Variants in EEF2K observed in about 807,000 individuals in gnomAD.
The protein encoded by EEF2K is alternative protein EEF2K.
A neutral mutation model predicts 93.8 loss-of-function variants in EEF2K; 70 were observed. That is an observed-to-expected ratio of 0.75 (90% CI 0.62 to 0.91). EEF2K has a LOEUF of 0.91. Ranked by LOEUF, EEF2K falls within the 40% of genes least tolerant of loss-of-function variation. The probability of loss-of-function intolerance (pLI) is 0.00; values close to 1 mark genes in which losing one functional copy is unlikely to be tolerated. For missense variants in EEF2K, 935 were observed against 972.9 expected (o/e 0.96, Z 0.52); for synonymous variants, 376 against 380.8 (o/e 0.99, Z 0.15).
Position 22,225,831 on chromosome 16 carries a change from G to C in EEF2K, c.102G>C (p.Glu34Asp), listed in dbSNP as rs2047057748. ...DGDSDGDSDD[E>D]EGYFICPITD... ...ATTCTGATGGGGACAGCGACGATGA[G>C]GAAGGTTACTTCATCTGCCCCATCA... Residue 34 changes from glutamate (E) to aspartate (D), a missense_variant, in exon 2 of 18, where the codon GAG becomes GAC. Physicochemically the swap from Glu to Asp is conservative, Grantham distance 45. Coordinates refer to ENST00000263026, the MANE Select transcript of EEF2K (RefSeq NM_013302.5). 8.1e-6 allele frequency: 13 copies of C among 1,614,104 alleles called. No homozygotes were observed. The highest frequency in any genetic ancestry group is 1.3e-5 in the African/African-American group (1 of 74,932).
intron 15 of EEF2K, among the ~76,000 whole-genome samples, chr16:22,271,157 A>T (rs570690380): frequency 1.5e-4 from 22 of 151,426 alleles, no homozygotes; most frequent in African/African-American, 5.1e-4. Flanking sequence ...TTTAGTAGAG[A>T]AGGGATTTCA....
At chr16:22,283,308 CAAAAAAAAAAA>C (rs10540234) in intron 17 of EEF2K, among the ~76,000 whole-genome samples, 1 of 75,868 alleles carries the variant, frequency 1.3e-5, no homozygotes, top group Admixed American at 1.6e-4. Context: ...GACTCCATCT[CAAAAAAAAAAA>C]AAAAAAAAAA....
rs1055491164 is a variant in EEF2K, at chr16:22,248,951, T to G, written c.408+136T>G. The stretch of plus-strand genomic sequence containing the variant: ...CTTCGGGGGATTCTTTGTTATTGTT[T>G]ATTTATTGGTTGTAGCCAGCATTTT... On this transcript the variant is annotated intron_variant, in intron 4 of 17. Transcript: ENST00000263026. 20 of 909,952 alleles carry G rather than the reference T, an allele frequency of 2.2e-5. No individual in the cohort carries two copies. The African/African-American group carries it at 3.2e-4, about 15-fold the overall frequency. 56.4% of individuals were successfully genotyped at this position (909,952 alleles called of 1,614,324 possible). A position where few individuals can be genotyped will look rare whatever the true frequency, so the allele number is the denominator to read the frequency against.
intron 11 of EEF2K, among the ~76,000 whole-genome samples, chr16:22,262,034 C>CAT (rs2047470408): frequency 6.7e-6 from 1 of 150,332 alleles, no homozygotes; most frequent in Admixed American, 6.6e-5. Context: ...CACACACACA[C>CAT]ACAGAAAAGA....
intron 1 of EEF2K, among the ~76,000 whole-genome samples, chr16:22,212,968 C>A (rs1222834167): frequency 6.6e-6 from 1 of 151,144 alleles, no homozygotes; most frequent in Non-Finnish European, 1.5e-5. Context: ...ATCAAGACAC[C>A]CACCCAGTCT....
At chr16:22,218,042 C>G (rs1378921490) in intron 1 of EEF2K, among the ~76,000 whole-genome samples, 1 of 152,210 alleles carries the variant, frequency 6.6e-6, no homozygotes, top group African/African-American at 2.4e-5. Context: ...AAAGGCTGAT[C>G]ACCTCTTCCA....
chr16:22,219,639 CTT>C (rs1439134201), intron 1 of EEF2K, among the ~76,000 whole-genome samples: 2 of 152,020 alleles, frequency 1.3e-5, no homozygotes, highest in Non-Finnish European at 2.9e-5. Flanking sequence ...AAAAATAAAA[CTT>C]TACAAAAAAG....
At chr16:22,225,630 C>T (rs2047054836) in intron 1 of EEF2K, 24 bp from the exon 2 acceptor site, 1 of 1,534,986 alleles carries the variant, frequency 6.5e-7, no homozygotes, top group Non-Finnish European at 8.7e-7. Context: ...AGCACCCACT[C>T]TCTGGCCCTT....
intron 6 of EEF2K, among the ~76,000 whole-genome samples, chr16:22,252,998 C>T (rs964581272): frequency 6.6e-6 from 1 of 152,170 alleles, no homozygotes; most frequent in Non-Finnish European, 1.5e-5. Flanking sequence ...TCAAGATGAG[C>T]TTTGAGTGGG....
chr16:22,244,983 C>T (rs2047272508), intron 3 of EEF2K, among the ~76,000 whole-genome samples: 1 of 152,048 alleles, frequency 6.6e-6, no homozygotes, highest in Non-Finnish European at 1.5e-5. Flanking sequence ...GATCTCTGGC[C>T]GGGTGAGGTG....
intron 16 of EEF2K, among the ~76,000 whole-genome samples, chr16:22,279,236 C>CTT (rs143168233): frequency 4.3e-4 from 58 of 135,254 alleles, no homozygotes; most frequent in African/African-American, 1.4e-3. Flanking sequence ...CTTGACTCCT[C>CTT]TTTTTTTTTT....
At chr16:22,234,188 GC>G (rs1293732127) in intron 2 of EEF2K, among the ~76,000 whole-genome samples, 2 of 152,292 alleles carry the variant, frequency 1.3e-5, no homozygotes, top group East Asian at 3.9e-4. Context: ...CATCGTGTGT[GC>G]CCCCCATGAT....
In EEF2K at chr16:22,244,696, G is replaced by T. The variant is rs780708612; in HGVS notation, c.313G>T (p.Glu105Ter). 2.5e-5 allele frequency: 40 copies of T among 1,613,952 alleles called. No homozygotes were observed. The highest frequency in any genetic ancestry group is 3.1e-5 in the Non-Finnish European group (36 of 1,179,980). ...CGACCCCTGGGCTGAGTTCCACCTG[G>T]AAGATATTGCCACCGAACGTGCTAC... is the stretch of plus-strand genomic sequence containing the variant. Reference protein sequence around the residue: ...MPDPWAEFHLEDIATERATRH... With the variant: ...MPDPWAEFHL The change falls in exon 3 of 18, where the codon GAA becomes TAA. Residue 105 changes from glutamate to a stop codon, truncating the protein, a stop_gained. Transcript: ENST00000263026. LOFTEE classifies it high-confidence loss of function.
intron 1 of EEF2K, among the ~76,000 whole-genome samples, chr16:22,219,858 G>A (rs1343112221): frequency 6.6e-6 from 1 of 152,172 alleles, no homozygotes; most frequent in East Asian, 1.9e-4. Context: ...CCTCAGCACA[G>A]GGCCATCCGC....
intron 6 of EEF2K, among the ~76,000 whole-genome samples, chr16:22,253,246 C>T (rs1000903103): frequency 5.3e-4 from 80 of 152,316 alleles, no homozygotes; most frequent in African/African-American, 1.9e-3. Flanking sequence ...TGCCTCTGCC[C>T]TGCATGAGCC....
chr16:22,272,443 T>C (rs186603481), intron 15 of EEF2K, among the ~76,000 whole-genome samples: 4 of 152,314 alleles, frequency 2.6e-5, no homozygotes, highest in Admixed American at 2.0e-4. Context: ...CCACATATTG[T>C]ATGACTATAT....
At chr16:22,268,812 C>T (rs2047549901) in intron 15 of EEF2K, among the ~76,000 whole-genome samples, 1 of 151,878 alleles carries the variant, frequency 6.6e-6, no homozygotes, top group Non-Finnish European at 1.5e-5. Flanking sequence ...AACAAATTAG[C>T]CAGGTGTGGT....
At chr16:22,207,815 A>T (rs1193215823) in intron 1 of EEF2K, among the ~76,000 whole-genome samples, 1 of 152,174 alleles carries the variant, frequency 6.6e-6, no homozygotes, top group Non-Finnish European at 1.5e-5. Flanking sequence ...GGGAATACAG[A>T]GCAAGCAGGT....
chr16:22,250,563 A>G (rs1289169982), intron 4 of EEF2K, 91 bp from the exon 5 acceptor site: 2 of 1,512,526 alleles, frequency 1.3e-6, no homozygotes, highest in Non-Finnish European at 1.8e-6. Flanking sequence ...CACCCATTTG[A>G]TAGGTGGCAT....
Sources: gnomAD v4.1 joint callset for allele counts (sites outside exome capture counted in the v4.1 genomes callset) on GRCh38, gnomAD v4.1.1 for gene constraint, MANE v1.5 for transcripts, NCBI Gene and HGNC (gene_info 2026-07-23, HGNC 2026-07-21) for gene names.